GULP1: variants seen among roughly 807,000 people sequenced by gnomAD.
GULP1 encodes the protein GULP PTB domain containing engulfment adaptor 1.
Under a neutral mutation model 40.9 loss-of-function variants are expected in GULP1, and 19 were observed. The ratio of observed to expected loss-of-function variants is 0.46; its 90% CI spans 0.32 to 0.68. GULP1 has a LOEUF of 0.68. GULP1 is among the 30% of genes least tolerant of loss of function. The probability of loss-of-function intolerance (pLI) is 0.03; values close to 1 mark genes in which losing one functional copy is unlikely to be tolerated. For missense variants in GULP1, 312 were observed against 362.2 expected (o/e 0.86, Z 1.12); for synonymous variants, 119 against 117.6 (o/e 1.01, Z -0.08).
chr2:188,492,662 A>G (rs539026039), intron 4 of GULP1, among the ~76,000 whole-genome samples: 9 of 152,158 alleles, frequency 5.9e-5, no homozygotes, highest in African/African-American at 1.9e-4. Flanking sequence ...AAAAAAAGAA[A>G]TTATAGCATG....
At chr2:188,416,405 T>C (rs930284060) in intron 2 of GULP1, among the ~76,000 whole-genome samples, 1 of 152,194 alleles carries the variant, frequency 6.6e-6, no homozygotes, top group Non-Finnish European at 1.5e-5. Flanking sequence ...GAATTGTACA[T>C]TTTCAATGAC....
intron 1 of GULP1, among the ~76,000 whole-genome samples, chr2:188,301,566 G>T (rs1559086453): frequency 6.6e-6 from 1 of 152,174 alleles, no homozygotes; most frequent in Non-Finnish European, 1.5e-5. Context: ...CTCAGGGGAA[G>T]TCAATCCTAC....
At chr2:188,566,275 G>T (rs1243477241) in intron 7 of GULP1, among the ~76,000 whole-genome samples, 2 of 152,036 alleles carry the variant, frequency 1.3e-5, no homozygotes, top group African/African-American at 4.8e-5. Flanking sequence ...TTCATCATAT[G>T]TATTGTGGGG....
At chr2:188,365,830 C>T (rs977862203) in intron 1 of GULP1, among the ~76,000 whole-genome samples, 1 of 152,078 alleles carries the variant, frequency 6.6e-6, no homozygotes, top group African/African-American at 2.4e-5. Flanking sequence ...ATGTCAGAAA[C>T]CTTGAAGTGG....
chr2:188,556,057 CAA>C (rs1036724991), intron 7 of GULP1, among the ~76,000 whole-genome samples: 2 of 85,050 alleles, frequency 2.4e-5, no homozygotes. Context: ...GACTCTGTCT[CAA>C]AAAAAAAAAA....
chr2:188,503,342 G>T (rs1379364889), intron 4 of GULP1, among the ~76,000 whole-genome samples: 1 of 151,776 alleles, frequency 6.6e-6, no homozygotes, highest in Admixed American at 6.6e-5. Flanking sequence ...CTGTATGGAT[G>T]GGGAGACCTC....
chr2:188,400,952 T>TGTGC (rs1408124431), intron 2 of GULP1, among the ~76,000 whole-genome samples: 2 of 151,124 alleles, frequency 1.3e-5, no homozygotes, highest in Admixed American at 1.3e-4. Context: ...TGTGTGTGTG[T>TGTGC]GTGTGTGTGT....
intron 1 of GULP1, among the ~76,000 whole-genome samples, chr2:188,305,070 C>T (rs1238353155): frequency 3.3e-5 from 5 of 152,162 alleles, no homozygotes; most frequent in Non-Finnish European, 7.3e-5. Flanking sequence ...GCCTCTGTAA[C>T]TTCTGACCCA....
At chr2:188,518,718 C>T (rs1035014170) in intron 4 of GULP1, among the ~76,000 whole-genome samples, 7 of 152,132 alleles carry the variant, frequency 4.6e-5, no homozygotes, top group African/African-American at 1.7e-4. Context: ...CCACTAAACC[C>T]TAGTATCTTC....
At chr2:188,398,042 C>G (rs1559192728) in intron 2 of GULP1, among the ~76,000 whole-genome samples, 1 of 152,148 alleles carries the variant, frequency 6.6e-6, no homozygotes, top group African/African-American at 2.4e-5. Flanking sequence ...ATGCCATCAT[C>G]CAGGATTAAC....
At chr2:188,570,702 A>G (rs1698833398) in intron 9 of GULP1, among the ~76,000 whole-genome samples, 1 of 152,194 alleles carries the variant, frequency 6.6e-6, no homozygotes, top group African/African-American at 2.4e-5. Flanking sequence ...TGATATCATT[A>G]TTACATGATT....
intron 2 of GULP1, among the ~76,000 whole-genome samples, chr2:188,432,514 C>T (rs764016413): frequency 3.2e-4 from 48 of 151,642 alleles, no homozygotes; most frequent in Non-Finnish European, 5.5e-4. Flanking sequence ...TTCATTAAAC[C>T]GACAACACTG....
At chr2:188,482,490 C>A (rs371409268) in intron 3 of GULP1, among the ~76,000 whole-genome samples, 4 of 151,530 alleles carry the variant, frequency 2.6e-5, no homozygotes, top group African/African-American at 9.7e-5. Context: ...AAATAAGATA[C>A]GTACAAAACT....
chr2:188,356,758 A>G (rs983118589), intron 1 of GULP1, among the ~76,000 whole-genome samples: 2 of 152,092 alleles, frequency 1.3e-5, no homozygotes, highest in African/African-American at 4.8e-5. Context: ...GAACAAAGCC[A>G]GAGGCGTCAA....
At chr2:188,481,077 C>T (rs1038203093) in intron 3 of GULP1, among the ~76,000 whole-genome samples, 1 of 151,704 alleles carries the variant, frequency 6.6e-6, no homozygotes, top group Non-Finnish European at 1.5e-5. Flanking sequence ...ATTTATTGAC[C>T]CAGCAATCAG....
At chr2:188,472,085 T>C (rs1313593618) in intron 2 of GULP1, among the ~76,000 whole-genome samples, 1 of 152,166 alleles carries the variant, frequency 6.6e-6, no homozygotes, top group Non-Finnish European at 1.5e-5. Context: ...TTTAAATATG[T>C]CATGACATTC....
intron 1 of GULP1, among the ~76,000 whole-genome samples, chr2:188,352,504 T>G (rs2044591550): frequency 6.6e-6 from 1 of 151,942 alleles, no homozygotes; most frequent in Non-Finnish European, 1.5e-5. Context: ...TCTTGGCATT[T>G]CTTAGCTTCC....
intron 1 of GULP1, among the ~76,000 whole-genome samples, chr2:188,317,244 T>G (rs1440638540): frequency 1.3e-5 from 2 of 152,194 alleles, no homozygotes; most frequent in Non-Finnish European, 2.9e-5. Context: ...TAAGATTATA[T>G]GTATGCACAG....
chr2:188,547,853 C>T (rs971006422), intron 7 of GULP1, among the ~76,000 whole-genome samples: 34 of 152,126 alleles, frequency 2.2e-4, no homozygotes, highest in African/African-American at 7.9e-4. Context: ...ATGATATAAT[C>T]AACCACATGG....
Sources: allele counts gnomAD v4.1 joint callset (sites outside exome capture counted in the v4.1 genomes callset), GRCh38; gene constraint gnomAD v4.1.1; transcripts MANE v1.5; gene names NCBI Gene and HGNC (gene_info 2026-07-23, HGNC 2026-07-21).